KIF26A: variants seen among roughly 807,000 people sequenced by gnomAD.
The protein encoded by KIF26A is kinesin-like protein KIF26A.
In KIF26A, 74 loss-of-function variants were observed where a neutral mutation model predicts 126.0. That is an observed-to-expected ratio of 0.59 (90% CI 0.49 to 0.71). The LOEUF (loss-of-function observed/expected upper bound fraction) is 0.71, where lower values mean the gene tolerates loss of function less well. KIF26A is among the 30% of genes least tolerant of loss of function. KIF26A has a pLI of 0.00. For synonymous variants in KIF26A, 1,445 were observed against 1,232.7 expected (o/e 1.17, Z -3.61); for missense variants, 2,984 against 2,763.3 (o/e 1.08, Z -1.79).
chr14:104,138,847 TG>T, intron 1 of KIF26A, 83 bp downstream of exon 1: 2 of 1,260,392 alleles, frequency 1.6e-6, no homozygotes, highest in South Asian at 2.9e-5. Context: ...GCTGGATCCC[TG>T]GGGGCCGGGC....
In KIF26A at chr14:104,175,807, C is replaced by T. The variant is rs780077751; in HGVS notation, c.3019C>T (p.Arg1007Cys). 1.8e-5 allele frequency: 28 copies of T among 1,539,214 alleles called. No individual in the cohort carries two copies. The highest frequency in any genetic ancestry group is 7.3e-5 in the East Asian group (3 of 41,016). The change falls in exon 12 of 15, where the codon CGC (arginine) becomes TGC (cysteine). Residue 1007 changes from arginine (R) to cysteine (C), a missense_variant. Transcript: ENST00000423312. ...CTGCCCCCGCCTGGCTGCTGGCAGT[C>T]GCTGTCCGGAGCGGGGCCTGCTCAC... Reference protein sequence around the residue: ...ATCPRLAAGSRCPERGLLTTT... With the variant: ...ATCPRLAAGSCCPERGLLTTT...
intron 4 of KIF26A, among the ~76,000 whole-genome samples, chr14:104,165,910 C>A (rs2037894089): frequency 6.7e-6 from 1 of 149,398 alleles, no homozygotes; most frequent in Non-Finnish European, 1.5e-5. Flanking sequence ...CCAGTGGCTC[C>A]CAAGCATGCA....
chr14:104,139,171 C>T lies in KIF26A; in HGVS notation c.171C>T (p.Gly57=), dbSNP rs1232856021. The change falls in exon 2 of 15, where the codon GGC becomes GGT. Residue 57 remains glycine, a synonymous_variant. Transcript: ENST00000423312. Reference sequence around the variant, plus strand: ...CTGCTCCCGAAGGCGCCGGGGCCGGCCCAGAGCAGGGCCACTCGGCCGGCG... The same window carrying T: ...CTGCTCCCGAAGGCGCCGGGGCCGGTCCAGAGCAGGGCCACTCGGCCGGCG... ...SRPAPEGAGA[G]PEQGHSAGGG... is the part of the protein sequence containing the mutation. 3.3e-6 allele frequency: 5 copies of T among 1,536,730 alleles called. No individual in the cohort carries two copies. The African/African-American group carries it at 5.6e-5, about 17-fold the overall frequency.
chr14:104,138,994 C>A lies in KIF26A; in HGVS notation c.43-49C>A, dbSNP rs577991814. ...GGCAGGGCGCGCAGGGGTCTGGATC[C>A]GACGGACGTCCCAGGCTCACTGTCC... On this transcript the variant is annotated intron_variant, in intron 1 of 14. Transcript: ENST00000423312. The A allele has an allele frequency of 2.5e-5, 33 of 1,323,174 alleles. No individual in the cohort carries two copies. The African/African-American group carries it at 4.5e-4, about 18-fold the overall frequency. The allele number at this position is 1,323,174 out of a possible 1,614,324, so 82.0% of individuals were successfully genotyped here.
chr14:104,176,769 G>A lies in KIF26A; in HGVS notation c.3981G>A (p.Thr1327=), dbSNP rs1434059336. ...CTGTGTCCTGGGGAGATGCTCCCAC[G>A]GAGGTGGTGGCCTGCTCGGGGAGCC... The part of the protein sequence containing the change: ...TPAVSWGDAP[T]EVVACSGSLK... The change falls in exon 12 of 15, where the codon ACG becomes ACA. Residue 1327 remains threonine (T), a synonymous_variant. Coordinates refer to ENST00000423312, the MANE Select transcript of KIF26A (RefSeq NM_015656.2). The A allele has an allele frequency of 8.2e-6, 13 of 1,580,544 alleles. No homozygotes were observed. Among genetic ancestry groups the A allele is most frequent in the African/African-American group, 4.0e-5 (3 of 74,260 alleles).
chr14:104,167,742 A>T (rs2037920556), intron 5 of KIF26A, among the ~76,000 whole-genome samples: 1 of 152,000 alleles, frequency 6.6e-6, no homozygotes, highest in South Asian at 2.1e-4. Flanking sequence ...GTGCCCATGG[A>T]GGGTGGGAAG....
At chr14:104,169,833 G>T (rs1156410251) in intron 5 of KIF26A, among the ~76,000 whole-genome samples, 1 of 152,194 alleles carries the variant, frequency 6.6e-6, no homozygotes, top group African/African-American at 2.4e-5. Context: ...ATTCCGTGGG[G>T]CTTTGTAATA....
At chr14:104,139,809 G>A (rs905361293) in intron 2 of KIF26A, among the ~76,000 whole-genome samples, 6 of 152,218 alleles carry the variant, frequency 3.9e-5, no homozygotes, top group Non-Finnish European at 8.8e-5. Context: ...GATAAGAACT[G>A]TTGTCCCATA....
Position 104,157,941 on chromosome 14 carries a change from AGGTATGTCCTGGGGCTTCCTG to A in KIF26A, c.923+2_923+22del. The A allele has an allele frequency of 6.6e-7, 1 of 1,505,968 alleles. No homozygotes were observed. Among genetic ancestry groups the A allele is most frequent in the Non-Finnish European group, 8.9e-7 (1 of 1,126,734 alleles). 93.3% of individuals were successfully genotyped at this position (1,505,968 alleles called of 1,614,324 possible). On this transcript the variant is annotated splice_donor_variant and splice_donor_5th_base_variant and coding_sequence_variant and intron_variant, in exon 4 of 15. Transcript: ENST00000423312. LOFTEE classifies it high-confidence loss of function. ...CTCAGCTGCAGCCTCCTTCTTCATAAGGTATGTCCTGGGGCTTCCTGGGCAGCCTTGTGGGCAGGGCCCCAT... is the reference window on the plus strand; with the variant it reads ...CTCAGCTGCAGCCTCCTTCTTCATAAGGCAGCCTTGTGGGCAGGGCCCCAT...
chr14:104,175,244 C>T lies in KIF26A; in HGVS notation c.2456C>T (p.Pro819Leu). 2 of 1,608,470 alleles carry T rather than the reference C, an allele frequency of 1.2e-6. No homozygotes were observed. Among genetic ancestry groups the T allele is most frequent in the South Asian group, 1.1e-5 (1 of 90,902 alleles). Residue 819 changes from proline to leucine, a missense_variant, in exon 12 of 15, where the codon CCT (proline) becomes CTT (leucine). Transcript: ENST00000423312. ...CCGCCTGACTTCGTGCCCATCATCC[C>T]TGCCCTGAGCCGCCACCGGCCCTCC... ...EGPPDFVPII[P>L]ALSRHRPSKG...
rs760864284 is a variant in KIF26A, at chr14:104,176,873, C to T, written c.4085C>T (p.Pro1362Leu). The change falls in exon 12 of 15, where the codon CCG becomes CTG. Residue 1362 changes from proline (P) to leucine (L), a missense_variant. By Grantham distance (98) the Pro-to-Leu change is moderately conservative. Transcript: ENST00000423312. ...FLPRPSGAAPPAPPTRKSSLE... is the reference protein window; with the variant it reads ...FLPRPSGAAPLAPPTRKSSLE... ...CCGAGGCCCAGTGGGGCGGCCCCCC[C>T]GGCCCCACCCACGCGGAAGTCCAGC... The T allele has an allele frequency of 1.9e-4, 289 of 1,542,638 alleles. No homozygotes were observed. The highest frequency in any genetic ancestry group is 3.3e-4 in the Admixed American group (17 of 50,894).
At chr14:104,157,644 G>A in intron 3 of KIF26A, 111 bp from the exon 4 acceptor site, 2 of 1,179,800 alleles carry the variant, frequency 1.7e-6, no homozygotes. Context: ...GAGCCCCCAG[G>A]AATGTGCTGG....
At position 104,152,481 on chromosome 14, in the gene KIF26A, G is replaced by T. The variant is rs1352823722; in HGVS notation, c.735+20G>T. ...TGCCTGGTGAGTGTCTTGCTCAGCG[G>T]ATGGGAGCTGCTGGCCTCCTTGTCA... On this transcript the variant is annotated intron_variant, in intron 3 of 14. Coordinates refer to ENST00000423312, the MANE Select transcript of KIF26A (RefSeq NM_015656.2). The surrounding 1 kb of genome is among the most constrained non-coding windows in gnomAD (Gnocchi z 5.9). The T allele has an allele frequency of 4.6e-6, 7 of 1,526,752 alleles. No homozygotes were observed. Among genetic ancestry groups the T allele is most frequent in the Non-Finnish European group, 5.3e-6 (6 of 1,139,638 alleles). The allele number at this position is 1,526,752 out of a possible 1,614,324, so 94.6% of individuals were successfully genotyped here.
Position 104,172,565 on chromosome 14 carries a change from GC to G in KIF26A, c.1327-4del, listed in dbSNP as rs763575287. On this transcript the variant is annotated splice_polypyrimidine_tract_variant and intron_variant, in intron 6 of 14. Coordinates refer to ENST00000423312, the MANE Select transcript of KIF26A (RefSeq NM_015656.2). ...GGCCACAGCCCTGCCTGATTCTCTT[GC>G]CCCCCTAGGCCGAAGTCTGCTCGGG... 2 of 1,608,612 alleles carry G rather than the reference GC, an allele frequency of 1.2e-6. No homozygotes were observed. The highest frequency in any genetic ancestry group is 1.7e-6 in the Non-Finnish European group (2 of 1,176,706).
chr14:104,155,745 C>T (rs2037771002), intron 3 of KIF26A, among the ~76,000 whole-genome samples: 1 of 152,220 alleles, frequency 6.6e-6, no homozygotes, highest in South Asian at 2.1e-4. Context: ...TGAGACAGGT[C>T]AGTGTGGGGA....
chr14:104,160,300 G>C (rs1476944822), intron 4 of KIF26A, among the ~76,000 whole-genome samples: 1 of 151,962 alleles, frequency 6.6e-6, no homozygotes, highest in Non-Finnish European at 1.5e-5. Flanking sequence ...GGGAGTCTCA[G>C]CTCTGCTGCT....
In KIF26A at chr14:104,180,606, A is replaced by G. The variant is rs1457539741; in HGVS notation, c.*816A>G. 1 of 153,250 alleles carries G rather than the reference A, an allele frequency of 6.5e-6. No homozygotes were observed. The highest frequency in any genetic ancestry group is 1.5e-5 in the Non-Finnish European group (1 of 68,132). The allele number at this position is 153,250 out of a possible 1,614,324, so 9.5% of individuals were successfully genotyped here. A position where few individuals can be genotyped will look rare whatever the true frequency, so the allele number is the denominator to read the frequency against. On this transcript the variant is annotated 3_prime_UTR_variant, in exon 15 of 15. Transcript: ENST00000423312. ...GTGGGAATTTGAAGACAAATGATCT[A>G]TGTTTTTATGGTTTTCTAGGGAAGG... is the stretch of plus-strand genomic sequence containing the variant.
rs966509475 is a variant in KIF26A at position 104,178,748 on chromosome 14, C to T, written c.5309C>T (p.Pro1770Leu). The change falls in exon 13 of 15, where the codon CCC becomes CTC. Residue 1770 changes from proline to leucine, a missense_variant. Physicochemically the swap from Pro to Leu is moderately conservative, Grantham distance 98 (BLOSUM62 -3). Transcript: ENST00000423312. Reference protein sequence around the residue: ...QRPRPTPREAPTQGLACVSTR... With the variant: ...QRPRPTPREALTQGLACVSTR... ...CCCCGCCCCACCCCGAGGGAGGCCC[C>T]CACCCAGGTAGGGCCTTTGGTGGGC... 3.9e-6 allele frequency: 6 copies of T among 1,519,132 alleles called. No homozygotes were observed. The African/African-American group carries it at 8.3e-5, about 21-fold the overall frequency. The allele number at this position is 1,519,132 out of a possible 1,614,324, so 94.1% of individuals were successfully genotyped here. A position where few individuals can be genotyped will look rare whatever the true frequency, so the allele number is the denominator to read the frequency against.
Position 104,152,122 on chromosome 14 carries a change from G to C in KIF26A, c.396G>C (p.Leu132=). 6.2e-7 allele frequency: 1 copy of C among 1,612,188 alleles called. No homozygotes were observed. The highest frequency in any genetic ancestry group is 1.1e-5 in the South Asian group (1 of 91,046). ...GCTGTGACGTCTGCGCCACACACCTGCAGCAGCTCACACGGGAGGCCATGC... is the reference window on the plus strand; with the variant it reads ...GCTGTGACGTCTGCGCCACACACCTCCAGCAGCTCACACGGGAGGCCATGC... The part of the protein sequence containing the change: ...ERRCDVCATH[L]QQLTREAMHL... Residue 132 remains leucine (L), a synonymous_variant, in exon 3 of 15, where the codon CTG becomes CTC. Transcript: ENST00000423312. The surrounding 1 kb of genome is among the most constrained non-coding windows in gnomAD (Gnocchi z 5.9).
Sources: allele counts gnomAD v4.1 joint callset (sites outside exome capture counted in the v4.1 genomes callset), GRCh38; gene constraint gnomAD v4.1.1; non-coding constraint Gnocchi (gnomAD v3.1); transcripts MANE v1.5; gene names NCBI Gene and HGNC (gene_info 2026-07-23, HGNC 2026-07-21).